Variants in C4orf54 observed in about 807,000 individuals in gnomAD.
The protein encoded by C4orf54 is uncharacterized protein C4orf54.
C4orf54 carries 67 observed loss-of-function variants against 80.1 expected under a neutral mutation model. The observed-to-expected ratio is 0.84, with a 90% CI of 0.69 to 1.03. C4orf54 has a LOEUF of 1.03. C4orf54 is among the 50% of genes least tolerant of loss of function. The pLI, the probability that C4orf54 is intolerant of heterozygous loss-of-function variation, is 0.00. For missense variants in C4orf54, 2,434 were observed against 2,253.5 expected (o/e 1.08, Z -1.62); for synonymous variants, 1,000 against 917.0 (o/e 1.09, Z -1.64).
chr4:99,651,015 C>T lies in C4orf54; in HGVS notation c.3634G>A (p.Glu1212Lys), dbSNP rs1043833548. 4 of 1,536,088 alleles carry T rather than the reference C, an allele frequency of 2.6e-6. No homozygotes were observed. The highest frequency in any genetic ancestry group is 2.4e-5 in the East Asian group (1 of 40,902). ...PVATIAPNKP[E>K]QGSYLPVLKI... ...AGCACAGGCAGGTATGAGCCCTGCT[C>T]GGGCTTATTGGGGGCAATGGTAGCC... The change falls in exon 2 of 3, where the codon GAG becomes AAG. Residue 1212 changes from glutamate (E) to lysine (K), a missense_variant. Coordinates refer to ENST00000511828, the MANE Select transcript of C4orf54 (RefSeq NM_001354435.2).
chr4:99,651,267 G>T lies in C4orf54; in HGVS notation c.3382C>A (p.Gln1128Lys), dbSNP rs955052366. 4.3e-5 allele frequency: 66 copies of T among 1,536,148 alleles called. No individual in the cohort carries two copies. The highest frequency in any genetic ancestry group is 5.4e-5 in the Non-Finnish European group (62 of 1,146,912). Residue 1128 changes from glutamine (Q) to lysine (K), a missense_variant, in exon 2 of 3, where the codon CAG (glutamine) becomes AAG (lysine). Transcript: ENST00000511828. ...CTGGGTTTGGGTCCAGTCAGCCCCTGCTCTGGGGTAACACTGCCCTTGTCA... is the reference window on the plus strand; with the variant it reads ...CTGGGTTTGGGTCCAGTCAGCCCCTTCTCTGGGGTAACACTGCCCTTGTCA... ...SSDKGSVTPE[Q>K]GLTGPKPRQL...
rs993045633 is a variant in C4orf54 at position 99,650,325 on chromosome 4, G to A, written c.4324C>T (p.Pro1442Ser). The A allele has an allele frequency of 2.0e-6, 3 of 1,535,976 alleles. No homozygotes were observed. Among genetic ancestry groups the A allele is most frequent in the African/African-American group, 1.4e-5 (1 of 73,022 alleles). ...TCATCAGGAGGTGCCCGGGTGGCTGGAGAGATCTTGAGGGACCGGAGTCCC... is the reference window on the plus strand; with the variant it reads ...TCATCAGGAGGTGCCCGGGTGGCTGAAGAGATCTTGAGGGACCGGAGTCCC... The part of the protein sequence containing the change: ...SQGLRSLKIS[P>S]ATRAPPDEVT... The change falls in exon 2 of 3, where the codon CCA becomes TCA. Residue 1442 changes from proline (P) to serine (S), a missense_variant. By Grantham distance (74) the Pro-to-Ser change is moderately conservative. Transcript: ENST00000511828.
In C4orf54 at chr4:99,636,990, C is replaced by T. The variant is rs774612974; in HGVS notation, c.*4243G>A. On this transcript the variant is annotated 3_prime_UTR_variant, in exon 3 of 3. Transcript: ENST00000511828. ...TCCAACATAACTTCTACAGTGTTCA[C>T]ATTCTTTTCAACCACTGCTGTCTTT... is the stretch of plus-strand genomic sequence containing the variant. 4.6e-5 allele frequency: 7 copies of T among 152,166 alleles called. No individual in the cohort carries two copies. The highest frequency in any genetic ancestry group is 7.3e-5 in the Non-Finnish European group (5 of 68,040). 9.4% of individuals were successfully genotyped at this position (152,166 alleles called of 1,614,324 possible). A position where few individuals can be genotyped will look rare whatever the true frequency, so the allele number is the denominator to read the frequency against.
At chr4:99,656,506 T>C (rs1000059977) in intron 1 of C4orf54, among the ~76,000 whole-genome samples, 1 of 152,194 alleles carries the variant, frequency 6.6e-6, no homozygotes, top group African/African-American at 2.4e-5. Context: ...CTCGAACTTT[T>C]GACCTCAGGT....
intron 2 of C4orf54, among the ~76,000 whole-genome samples, chr4:99,648,636 C>G (rs1408836989): frequency 6.6e-6 from 1 of 151,664 alleles, no homozygotes; most frequent in Non-Finnish European, 1.5e-5. Context: ...TTCTGATTAT[C>G]TGAAAACTGA....
chr4:99,649,395 C>G lies in C4orf54; in HGVS notation c.5254G>C (p.Ala1752Pro). Reference protein sequence around the residue: ...APAATSQLLGAKAFAQLHGKP... With the variant: ...APAATSQLLGPKAFAQLHGKP... ...CCATGCAGCTGGGCAAAGGCCTTGG[C>G]CCCTAGGAGCTGGGATGTGGCTGCT... Residue 1752 changes from alanine to proline, a missense_variant, in exon 2 of 3, where the codon GCC becomes CCC. Ala to Pro is a conservative substitution (Grantham distance 27). Coordinates refer to ENST00000511828, the MANE Select transcript of C4orf54 (RefSeq NM_001354435.2). 3 of 1,536,136 alleles carry G rather than the reference C, an allele frequency of 2.0e-6. No homozygotes were observed. Among genetic ancestry groups the G allele is most frequent in the Non-Finnish European group, 2.6e-6 (3 of 1,146,912 alleles).
rs1347851231 is a variant in C4orf54, at chr4:99,650,909, G to C, written c.3740C>G (p.Thr1247Arg). The change falls in exon 2 of 3, where the codon ACG becomes AGG. Residue 1247 changes from threonine (T) to arginine (R), a missense_variant. Transcript: ENST00000511828. Reference sequence around the variant, plus strand: ...CTCCAGGGCATTCCGGGCTGGCTTCGTGGCTTTCCCTTCCTCCTTGACCTC... The same window carrying C: ...CTCCAGGGCATTCCGGGCTGGCTTCCTGGCTTTCCCTTCCTCCTTGACCTC... The part of the protein sequence containing the change: ...EEEVKEEGKA[T>R]KPARNALEKL... The C allele has an allele frequency of 5.2e-6, 8 of 1,536,022 alleles. No homozygotes were observed. Among genetic ancestry groups the C allele is most frequent in the Non-Finnish European group, 7.0e-6 (8 of 1,146,824 alleles).
chr4:99,652,491 C>A lies in C4orf54; in HGVS notation c.2158G>T (p.Val720Leu), dbSNP rs1342452475. The change falls in exon 2 of 3, where the codon GTG (valine) becomes TTG (leucine). Residue 720 changes from valine to leucine, a missense_variant. Transcript: ENST00000511828. ...ATTTCCCCCTCGACTTTGCTGACCA[C>A]GAACTCCAAGGCCTTGGTCTGAGAC... ...KKSQTKALEF[V>L]VSKVEGEIKH... 1 of 1,535,696 alleles carries A rather than the reference C, an allele frequency of 6.5e-7. No individual in the cohort carries two copies. The highest frequency in any genetic ancestry group is 8.7e-7 in the Non-Finnish European group (1 of 1,146,700).
intron 2 of C4orf54, among the ~76,000 whole-genome samples, chr4:99,645,409 G>GT (rs1385799508): frequency 3.7e-5 from 1 of 27,266 alleles, no homozygotes; most frequent in African/African-American, 3.1e-4. Context: ...AAGGCTTACA[G>GT]TAAAAAAAAA....
intron 2 of C4orf54, among the ~76,000 whole-genome samples, chr4:99,644,532 A>ATTCATGAAGGTAACT (rs1163711870): frequency 3.9e-5 from 6 of 152,174 alleles, no homozygotes; most frequent in African/African-American, 1.4e-4. Flanking sequence ...AAACTATTCA[A>ATTCATGAAGGTAACT]TTCATGAAGG....
At chr4:99,644,928 G>C (rs969413646) in intron 2 of C4orf54, among the ~76,000 whole-genome samples, 4 of 149,746 alleles carry the variant, frequency 2.7e-5, no homozygotes, top group African/African-American at 4.9e-5. Flanking sequence ...GGAAAAAAGA[G>C]AGACTAGTGG....
Position 99,653,063 on chromosome 4 carries a change from G to A in C4orf54, c.1586C>T (p.Ala529Val). Residue 529 changes from alanine (A) to valine (V), a missense_variant, in exon 2 of 3, where the codon GCT becomes GTT. By Grantham distance (64) the Ala-to-Val change is moderately conservative. Coordinates refer to ENST00000511828, the MANE Select transcript of C4orf54 (RefSeq NM_001354435.2). ...ILLSIKPASR[A>V]INEPSNVRAK... ...ACGCACGTTGCTAGGCTCATTTATA[G>A]CCCGGGAAGCCGGTTTGATTGATAG... 1 of 1,536,226 alleles carries A rather than the reference G, an allele frequency of 6.5e-7. No homozygotes were observed. Among genetic ancestry groups the A allele is most frequent in the Non-Finnish European group, 8.7e-7 (1 of 1,146,910 alleles).
Position 99,651,406 on chromosome 4 carries a change from T to C in C4orf54, c.3243A>G (p.Leu1081=). 2.0e-6 allele frequency: 3 copies of C among 1,536,276 alleles called. No homozygotes were observed. The highest frequency in any genetic ancestry group is 1.7e-4 in the Middle Eastern group (1 of 5,990). ...TCACCTGGAAATGGGGCACTTTTTC[T>C]AGGTTGTCCCCGCGGAAGAGTTTCT... ...AQQKLFRGDN[L]EKVPHFQVRD... Residue 1081 remains leucine (L), a synonymous_variant, in exon 2 of 3, where the codon CTA becomes CTG. Transcript: ENST00000511828.
rs916612435 is a variant in C4orf54, at chr4:99,636,703, A to G, written c.*4530T>C. ...TGTCTAAATAGTTTACTCCATATTC[A>G]ATGCACTGAAAATGTGATTCTCAGA... On this transcript the variant is annotated 3_prime_UTR_variant, in exon 3 of 3. Coordinates refer to ENST00000511828, the MANE Select transcript of C4orf54 (RefSeq NM_001354435.2). 6.6e-5 allele frequency: 10 copies of G among 152,182 alleles called. No homozygotes were observed. Among genetic ancestry groups the G allele is most frequent in the Non-Finnish European group, 1.5e-4 (10 of 68,034 alleles). 9.4% of individuals were successfully genotyped at this position (152,182 alleles called of 1,614,324 possible).
chr4:99,649,609 A>T lies in C4orf54; in HGVS notation c.5040T>A (p.Pro1680=). 6.5e-7 allele frequency: 1 copy of T among 1,536,160 alleles called. No individual in the cohort carries two copies. Among genetic ancestry groups the T allele is most frequent in the Non-Finnish European group, 8.7e-7 (1 of 1,146,908 alleles). The stretch of plus-strand genomic sequence containing the variant: ...TGGGCAGCACGGTAGGCAGAAACCC[A>T]GGGTAAATCATGTAGGTGGGTCCAT... The part of the protein sequence containing the change: ...GAYGPTYMIY[P]GFLPTVLPTN... Residue 1680 remains proline, a synonymous_variant, in exon 2 of 3, where the codon CCT becomes CCA. Transcript: ENST00000511828.
chr4:99,642,524 C>T (rs71614604), intron 2 of C4orf54, among the ~76,000 whole-genome samples: 12,083 of 151,340 alleles, frequency 0.08, 710 homozygotes, highest in African/African-American at 0.16. Context: ...TAGATATTGC[C>T]TTTTTGGATA....
rs1304126358 is a variant in C4orf54 at position 99,650,908 on chromosome 4, C to T, written c.3741G>A (p.Thr1247=). ...EEEVKEEGKA[T]KPARNALEKL... is the part of the protein sequence containing the mutation. The stretch of plus-strand genomic sequence containing the variant: ...TCTCCAGGGCATTCCGGGCTGGCTT[C>T]GTGGCTTTCCCTTCCTCCTTGACCT... Residue 1247 remains threonine (T), a synonymous_variant, in exon 2 of 3, where the codon ACG becomes ACA. Transcript: ENST00000511828. 2 of 1,536,106 alleles carry T rather than the reference C, an allele frequency of 1.3e-6. No individual in the cohort carries two copies. The highest frequency in any genetic ancestry group is 2.4e-5 in the South Asian group (2 of 84,040).
rs1327676823 is a variant in C4orf54 at position 99,652,630 on chromosome 4, C to T, written c.2019G>A (p.Gly673=). The change falls in exon 2 of 3, where the codon GGG becomes GGA. Residue 673 remains glycine, a synonymous_variant. Coordinates refer to ENST00000511828, the MANE Select transcript of C4orf54 (RefSeq NM_001354435.2). ...TFLDLKCGGV[G]ARVEQSLLRS... is the part of the protein sequence containing the mutation. Reference sequence around the variant, plus strand: ...TGAGGAGGCTCTGCTCCACCCTGGCCCCAACACCCCCACATTTTAAGTCCA... The same window carrying T: ...TGAGGAGGCTCTGCTCCACCCTGGCTCCAACACCCCCACATTTTAAGTCCA... The T allele has an allele frequency of 6.5e-7, 1 of 1,535,918 alleles. No homozygotes were observed. The highest frequency in any genetic ancestry group is 8.7e-7 in the Non-Finnish European group (1 of 1,146,888).
Position 99,651,650 on chromosome 4 carries a change from T to C in C4orf54, c.2999A>G (p.Lys1000Arg). The change falls in exon 2 of 3, where the codon AAG becomes AGG. Residue 1000 changes from lysine to arginine, a missense_variant. Transcript: ENST00000511828. ...LFVPNIQQTP[K>R]DKQPRKQATK... is the part of the protein sequence containing the mutation. ...GGCCTGCTTCCTCGGCTGCTTGTCC[T>C]TGGGTGTCTGCTGGATGTTGGGGAC... is the stretch of plus-strand genomic sequence containing the variant. The C allele has an allele frequency of 6.5e-7, 1 of 1,536,084 alleles. No individual in the cohort carries two copies. Among genetic ancestry groups the C allele is most frequent in the Admixed American group, 2.0e-5 (1 of 51,006 alleles).
Sources: gnomAD v4.1 joint callset for allele counts (sites outside exome capture counted in the v4.1 genomes callset) on GRCh38, gnomAD v4.1.1 for gene constraint, MANE v1.5 for transcripts, NCBI Gene and HGNC (gene_info 2026-07-23, HGNC 2026-07-21) for gene names.